DMXL2: variants seen among roughly 807,000 people sequenced by gnomAD.
DMXL2 encodes the protein Dmx like 2.
A neutral mutation model predicts 331.1 loss-of-function variants in DMXL2; 103 were observed. The observed-to-expected ratio is 0.31, with a 90% confidence interval of 0.27 to 0.37. DMXL2 has a LOEUF of 0.37. Ranked by LOEUF, DMXL2 falls within the 10% of genes least tolerant of loss-of-function variation. The probability of loss-of-function intolerance (pLI) is 1.00; values close to 1 mark genes in which losing one functional copy is unlikely to be tolerated. For missense variants in DMXL2, 3,171 were observed against 3,642.9 expected, an observed-to-expected ratio of 0.87 and a Z score of 3.33; for synonymous variants, 1,281 against 1,252.1, an observed-to-expected ratio of 1.02 and a Z score of -0.49.
intron 15 of DMXL2, among the ~76,000 whole-genome samples, chr15:51,512,007 C>A (rs1260555883): frequency 6.6e-6 from 1 of 151,878 alleles, no homozygotes; most frequent in East Asian, 1.9e-4. Context: ...CACACAGACA[C>A]AGGGAAGGGA....
At chr15:51,575,725 G>A (rs1305743772) in intron 2 of DMXL2, among the ~76,000 whole-genome samples, 1 of 151,962 alleles carries the variant, frequency 6.6e-6, no homozygotes, top group Non-Finnish European at 1.5e-5. Flanking sequence ...GTGATATAAG[G>A]GGTGCTAGGT....
chr15:51,621,490 A>G (rs552725442), intron 1 of DMXL2, among the ~76,000 whole-genome samples: 60 of 152,352 alleles, frequency 3.9e-4, no homozygotes, highest in Non-Finnish European at 7.2e-4. Context: ...GGCTGCCTAC[A>G]GTTCCTTATA....
chr15:51,555,429 A>G (rs538908791), intron 6 of DMXL2, among the ~76,000 whole-genome samples: 16 of 152,312 alleles, frequency 1.1e-4, no homozygotes, highest in African/African-American at 3.8e-4. Context: ...GTTGAATGTC[A>G]TCAGCATACA....
chr15:51,526,104 G>C (rs1048715743), intron 13 of DMXL2, among the ~76,000 whole-genome samples: 15 of 143,970 alleles, frequency 1.0e-4, no homozygotes, highest in African/African-American at 3.8e-4. Context: ...AGAAAAGAGA[G>C]AGAGAAAGAG....
intron 1 of DMXL2, among the ~76,000 whole-genome samples, chr15:51,595,436 G>C (rs2052725430): frequency 6.6e-6 from 1 of 152,138 alleles, no homozygotes; most frequent in African/African-American, 2.4e-5. Flanking sequence ...ACAAATAAAT[G>C]GAAGAACATT....
intron 1 of DMXL2, among the ~76,000 whole-genome samples, chr15:51,598,343 G>A (rs886307078): frequency 1.3e-5 from 2 of 152,018 alleles, no homozygotes; most frequent in African/African-American, 2.4e-5. Context: ...TTTGAAAGTT[G>A]CAGGCATGAT....
At chr15:51,618,111 T>G (rs534344084) in intron 1 of DMXL2, among the ~76,000 whole-genome samples, 264 of 152,312 alleles carry the variant, frequency 1.7e-3, no homozygotes, top group African/African-American at 6.1e-3. Context: ...AACCAGCCAG[T>G]ACAGAAGCAT....
chr15:51,520,233 T>C (rs929637193), intron 13 of DMXL2, among the ~76,000 whole-genome samples: 1 of 152,182 alleles, frequency 6.6e-6, no homozygotes, highest in Non-Finnish European at 1.5e-5. Context: ...CAGTAAGTCT[T>C]ATCTCAGATA....
chr15:51,604,512 A>G (rs573192435), intron 1 of DMXL2, among the ~76,000 whole-genome samples: 1 of 152,276 alleles, frequency 6.6e-6, no homozygotes, highest in East Asian at 1.9e-4. Flanking sequence ...TTAAAAAGAT[A>G]CCATTTTAAC....
chr15:51,464,128 C>T (rs1051391722), intron 32 of DMXL2, among the ~76,000 whole-genome samples: 7 of 152,282 alleles, frequency 4.6e-5, no homozygotes, highest in Non-Finnish European at 7.3e-5. Context: ...ATATGCCATA[C>T]GCAGTGGCAC....
At chr15:51,559,988 C>G (rs2049851268) in intron 6 of DMXL2, among the ~76,000 whole-genome samples, 1 of 152,072 alleles carries the variant, frequency 6.6e-6, no homozygotes. Flanking sequence ...CAGACATGTA[C>G]AAGACATCTG....
rs758874651 is a variant in DMXL2, at chr15:51,500,248, C to A, written c.2993-17G>T. On this transcript the variant is annotated splice_polypyrimidine_tract_variant and intron_variant, in intron 17 of 43. Transcript: ENST00000560891. ...TCAGATGGCCTTAAAAAAGAAAAAG[C>A]AAATAGTTAGTTGTAATAATAATAA... 2 of 1,565,494 alleles carry A rather than the reference C, an allele frequency of 1.3e-6. No homozygotes were observed. Among genetic ancestry groups the A allele is most frequent in the Non-Finnish European group, 1.7e-6 (2 of 1,160,672 alleles).
At chr15:51,509,790 C>T (rs1400468974) in intron 15 of DMXL2, among the ~76,000 whole-genome samples, 2 of 152,098 alleles carry the variant, frequency 1.3e-5, no homozygotes, top group Non-Finnish European at 2.9e-5. Flanking sequence ...TGATGAACAT[C>T]AATGCGAAAA....
chr15:51,449,860 C>A (rs1392074773), intron 43 of DMXL2, among the ~76,000 whole-genome samples: 1 of 151,998 alleles, frequency 6.6e-6, no homozygotes, highest in East Asian at 1.9e-4. Flanking sequence ...AAATTTCATG[C>A]ATTAAACTCA....
chr15:51,505,807 A>T (rs1217234625), intron 16 of DMXL2, among the ~76,000 whole-genome samples: 1 of 152,266 alleles, frequency 6.6e-6, no homozygotes, highest in Non-Finnish European at 1.5e-5. Context: ...AAGTTGTATA[A>T]AATCAATTAA....
At chr15:51,587,251 T>G (rs1461189613) in intron 1 of DMXL2, among the ~76,000 whole-genome samples, 2 of 152,224 alleles carry the variant, frequency 1.3e-5, no homozygotes, top group Non-Finnish European at 1.5e-5. Flanking sequence ...ATGTGCCATG[T>G]TGGTGTGCTG....
At chr15:51,494,072 A>C (rs1344839864) in intron 19 of DMXL2, among the ~76,000 whole-genome samples, 1 of 152,186 alleles carries the variant, frequency 6.6e-6, no homozygotes. Context: ...CACTGCTGGA[A>C]AACTAGCATG....
Position 51,465,629 on chromosome 15 carries a change from T to C in DMXL2, c.7543A>G (p.Met2515Val), listed in dbSNP as rs72729259. The change falls in exon 31 of 44, where the codon ATG becomes GTG. Residue 2515 changes from methionine (M) to valine (V), a missense_variant. Around this residue, in one of 7 missense-constraint regions of DMXL2, gnomAD observed 766 missense variants for 940.5 expected, o/e 0.81. Transcript: ENST00000560891. ...SYSWALLHLT[M>V]VKLALHNVKN... ...ACATTGTGAAGTGCTAGTTTAACCA[T>C]TGTCAAATGTAGAAGAGCCCAGCTG... 2.8e-4 allele frequency: 453 copies of C among 1,603,592 alleles called. No homozygotes were observed. The highest frequency in any genetic ancestry group is 9.0e-4 in the Admixed American group (52 of 57,570).
chr15:51,621,765 C>A (rs1044631791), intron 1 of DMXL2, among the ~76,000 whole-genome samples: 2 of 152,154 alleles, frequency 1.3e-5, no homozygotes, highest in Admixed American at 6.5e-5. Context: ...GGCTACCTTA[C>A]AGATTAAAAT....
Sources: gnomAD v4.1 joint callset for allele counts (sites outside exome capture counted in the v4.1 genomes callset) on GRCh38, gnomAD v4.1.1 for gene constraint, gnomAD v4.1.1 regional missense constraint, MANE v1.5 for transcripts, NCBI Gene and HGNC (gene_info 2026-07-23, HGNC 2026-07-21) for gene names.